MCC: variants seen among roughly 807,000 people sequenced by gnomAD.
MCC encodes colorectal mutant cancer protein.
Under a neutral mutation model 116.2 loss-of-function variants are expected in MCC, and 90 were observed. The ratio of observed to expected loss-of-function variants is 0.77; its 90% CI spans 0.65 to 0.92. The LOEUF (loss-of-function observed/expected upper bound fraction) is 0.92, where lower values mean the gene tolerates loss of function less well. Ranked by LOEUF, MCC falls within the 40% of genes least tolerant of loss-of-function variation. The pLI is 0.00. For missense variants in MCC, 1,516 were observed against 1,312.2 expected (o/e 1.16, Z -2.40); for synonymous variants, 578 against 510.5 (o/e 1.13, Z -1.78).
At chr5:113,034,244 G>A (rs2150209334) in intron 17 of MCC, among the ~76,000 whole-genome samples, 1 of 152,140 alleles carries the variant, frequency 6.6e-6, no homozygotes, top group South Asian at 2.1e-4. Context: ...TCAAGGCAGT[G>A]GAATATACAC....
In MCC at chr5:113,035,431, C is replaced by T. The variant is rs530935247; in HGVS notation, c.2757-6375G>A. Among the ~76,000 whole-genome samples, 13 of 152,352 alleles carry T rather than the reference C, an allele frequency of 8.5e-5. No individual in the cohort carries two copies. In the East Asian group the frequency reaches 2.5e-3, roughly 29 times the overall value. ...GCATCCCTCTGCCCTGGTTTTCACA[C>T]AGCAGCCCAGGTAACATTTCACATG... On this transcript the variant is annotated intron_variant, in intron 17 of 18. Transcript: ENST00000408903.
At chr5:113,077,324 A>G (rs1754527580) in intron 11 of MCC, among the ~76,000 whole-genome samples, 1 of 152,052 alleles carries the variant, frequency 6.6e-6, no homozygotes, top group Non-Finnish European at 1.5e-5. Flanking sequence ...CATCTACAGA[A>G]CTCTCCACCC....
intron 2 of MCC, among the ~76,000 whole-genome samples, chr5:113,349,371 T>C (rs561368427): frequency 1.3e-5 from 2 of 152,052 alleles, no homozygotes; most frequent in Non-Finnish European, 2.9e-5. Flanking sequence ...ATTTATCCTG[T>C]GGAAGCAAGG....
intron 6 of MCC, 38 bp downstream of exon 6, chr5:113,122,646 C>G (rs1440011521): frequency 1.2e-6 from 2 of 1,603,182 alleles, no homozygotes; most frequent in Non-Finnish European, 1.7e-6. Flanking sequence ...AATCCAGAAA[C>G]CAAACTCTGG....
intron 3 of MCC, among the ~76,000 whole-genome samples, chr5:113,233,331 T>C (rs978340212): frequency 6.6e-6 from 1 of 152,248 alleles, no homozygotes; most frequent in African/African-American, 2.4e-5. Context: ...TTTCCTATAA[T>C]TATCTTAGAT....
chr5:113,441,141 A>G (rs11948538), intron 1 of MCC, among the ~76,000 whole-genome samples: 5,078 of 152,184 alleles, frequency 0.033, 274 homozygotes, highest in African/African-American at 0.12. Flanking sequence ...TTGAGACCAG[A>G]CTGGCCAACA....
At chr5:113,343,347 G>T (rs926626541) in intron 2 of MCC, among the ~76,000 whole-genome samples, 1 of 152,196 alleles carries the variant, frequency 6.6e-6, no homozygotes, top group Non-Finnish European at 1.5e-5. Context: ...ATTGCTCCAA[G>T]TTTACTTTAA....
At chr5:113,293,988 T>C (rs1342565277) in intron 3 of MCC, among the ~76,000 whole-genome samples, 1 of 152,072 alleles carries the variant, frequency 6.6e-6, no homozygotes, top group African/African-American at 2.4e-5. Context: ...ATTTTACCGA[T>C]CAGGGAAATA....
At chr5:113,318,337 G>A (rs919583096) in intron 3 of MCC, among the ~76,000 whole-genome samples, 6 of 152,160 alleles carry the variant, frequency 3.9e-5, no homozygotes, top group Non-Finnish European at 7.3e-5. Context: ...GCCTACATAA[G>A]AGCTAACCAA....
intron 3 of MCC, among the ~76,000 whole-genome samples, chr5:113,203,992 T>A (rs1310771530): frequency 6.6e-6 from 1 of 152,194 alleles, no homozygotes; most frequent in East Asian, 1.9e-4. Context: ...GAGTACAGGC[T>A]CAATATCCCC....
chr5:113,297,964 T>A (rs1455615915), intron 3 of MCC, among the ~76,000 whole-genome samples: 2 of 152,064 alleles, frequency 1.3e-5, no homozygotes, highest in Admixed American at 6.5e-5. Flanking sequence ...TGTGGTATCA[T>A]GAGTTTGAGG....
At chr5:113,032,331 C>G (rs1165239652) in intron 17 of MCC, among the ~76,000 whole-genome samples, 2 of 150,092 alleles carry the variant, frequency 1.3e-5, no homozygotes, top group African/African-American at 4.9e-5. Flanking sequence ...TCGCTTGAAC[C>G]TGGGAGGTGG....
At chr5:113,122,606 G>A in intron 6 of MCC, 78 bp downstream of exon 6, 77 of 1,534,344 alleles carry the variant, frequency 5.0e-5, no homozygotes, top group Non-Finnish European at 6.9e-5. Context: ...TTTAATTCAG[G>A]CTGCCTCACA....
intron 3 of MCC, among the ~76,000 whole-genome samples, chr5:113,330,859 A>T (rs1338853307): frequency 6.6e-6 from 1 of 152,230 alleles, no homozygotes; most frequent in South Asian, 2.1e-4. Flanking sequence ...GAATCATTTT[A>T]AAAAATACTG....
Position 113,387,249 on chromosome 5 carries a change from T to C in MCC, c.171-2037A>G, listed in dbSNP as rs148269137. Among the ~76,000 whole-genome samples, 549 of 152,362 alleles carry C rather than the reference T, an allele frequency of 3.6e-3. 4 individuals are homozygous for C. Among genetic ancestry groups the C allele is most frequent in the African/African-American group, 0.012 (519 of 41,576 alleles). On this transcript the variant is annotated intron_variant, in intron 1 of 18. Transcript: ENST00000408903. ...TGTGATCAAAAGTAAGTTCTTATTG[T>C]TCATGCAAATTAAAGTTCATTCTTA...
Position 113,385,186 on chromosome 5 carries a change from T to C in MCC, c.197A>G (p.Gln66Arg). Residue 66 changes from glutamine (Q) to arginine (R), a missense_variant, in exon 2 of 19, where the codon CAG (glutamine) becomes CGG (arginine). Gln to Arg is a conservative substitution (Grantham distance 43). Transcript: ENST00000408903. ...SRNDLLMVCR[Q>R]LNMEESVAEI... is the part of the protein sequence containing the mutation. ...AGCCACAGACTCTTCCATATTCAGCTGGCGACAGACCATTAGCAAGTCATT... is the reference window on the plus strand; with the variant it reads ...AGCCACAGACTCTTCCATATTCAGCCGGCGACAGACCATTAGCAAGTCATT... 4 of 1,614,068 alleles carry C rather than the reference T, an allele frequency of 2.5e-6. No individual in the cohort carries two copies. The highest frequency in any genetic ancestry group is 3.4e-6 in the Non-Finnish European group (4 of 1,180,018).
chr5:113,444,433 C>T (rs919615873), intron 1 of MCC, among the ~76,000 whole-genome samples: 5 of 152,184 alleles, frequency 3.3e-5, no homozygotes, highest in African/African-American at 9.6e-5. Context: ...CTTCAAGTTA[C>T]TGGATTGAGT....
rs747585036 is a variant in MCC, at chr5:113,085,160, T to TCA, written c.1545+2_1545+3dup. ...GCTCATCGGGTCCATCCCCAGGAACTCACCTTGGCGATGGGAATGTCATTG... is the reference window on the plus strand; with the variant it reads ...GCTCATCGGGTCCATCCCCAGGAACTCACACCTTGGCGATGGGAATGTCATTG... On this transcript the variant is annotated splice_donor_region_variant and intron_variant, in intron 9 of 18. Transcript: ENST00000408903. 12 of 1,614,000 alleles carry TCA rather than the reference T, an allele frequency of 7.4e-6. No individual in the cohort carries two copies. The highest frequency in any genetic ancestry group is 4.2e-6 in the Non-Finnish European group (5 of 1,180,032).
chr5:113,223,367 T>C (rs1455052795), intron 3 of MCC, among the ~76,000 whole-genome samples: 1 of 152,232 alleles, frequency 6.6e-6, no homozygotes, highest in Non-Finnish European at 1.5e-5. Flanking sequence ...ACAAAATCCA[T>C]GATCCCTAGA....
Sources: gnomAD v4.1 joint callset for allele counts (sites outside exome capture counted in the v4.1 genomes callset) on GRCh38, gnomAD v4.1.1 for gene constraint, MANE v1.5 for transcripts, NCBI Gene and HGNC (gene_info 2026-07-23, HGNC 2026-07-21) for gene names.